Variants in ADD2 observed in about 807,000 individuals in gnomAD.
The protein encoded by ADD2 is beta-adducin.
A neutral mutation model predicts 83.0 loss-of-function variants in ADD2; 23 were observed. The observed-to-expected ratio is 0.28, with a 90% CI of 0.20 to 0.39. The LOEUF is 0.39. Ranked by LOEUF, ADD2 falls within the 10% of genes least tolerant of loss-of-function variation. ADD2 has a pLI of 1.00. For missense variants in ADD2, 758 were observed against 944.9 expected (o/e 0.80, Z 2.59); for synonymous variants, 375 against 375.4 (o/e 1.00, Z 0.01).
Position 70,701,947 on chromosome 2 carries a change from TA to T in ADD2, c.322+2373del, listed in dbSNP as rs1330779648. ...TACAATTCACTCATGTAAATATCTT[TA>T]AGTACCTACTATGTGCCAGATACAT... On this transcript the variant is annotated intron_variant, in intron 4 of 15. Coordinates refer to ENST00000264436, the MANE Select transcript of ADD2 (RefSeq NM_001617.4). Among the ~76,000 whole-genome samples the T allele has an allele frequency of 2.0e-5, 3 of 152,320 alleles. No homozygotes were observed. In the East Asian group the frequency reaches 5.8e-4, roughly 29 times the overall value.
At chr2:70,753,944 G>A (rs772225384) in intron 1 of ADD2, among the ~76,000 whole-genome samples, 1 of 152,124 alleles carries the variant, frequency 6.6e-6, no homozygotes, top group African/African-American at 2.4e-5. Context: ...TTACATTAAA[G>A]GTCACCGTCA....
intron 4 of ADD2, among the ~76,000 whole-genome samples, chr2:70,701,083 C>G (rs1671560489): frequency 6.6e-6 from 1 of 152,154 alleles, no homozygotes; most frequent in African/African-American, 2.4e-5. Flanking sequence ...GGTATCAATA[C>G]TAGGTAAAGA....
In ADD2 at chr2:70,765,223, C is replaced by T. The variant is rs555948186; in HGVS notation, c.-154+2663G>A. On this transcript the variant is annotated intron_variant, in intron 1 of 15. Transcript: ENST00000264436. ...CAAAAATTAGCCGGGCGTGGTGACA[C>T]GCACCTGTAGTCCCAGCTATTCGGG... 1.2e-3 allele frequency among the ~76,000 whole-genome samples: 187 copies of T among 149,828 alleles called. 1 individual carries two copies. The highest frequency in any genetic ancestry group is 1.9e-3 in the Non-Finnish European group (129 of 68,006).
At chr2:70,745,957 C>T (rs781850952) in intron 1 of ADD2, among the ~76,000 whole-genome samples, 6 of 152,016 alleles carry the variant, frequency 3.9e-5, no homozygotes, top group Non-Finnish European at 5.9e-5. Flanking sequence ...CACTGTGAAA[C>T]AAATCTATTT....
intron 7 of ADD2, 108 bp from the exon 8 acceptor site, chr2:70,691,037 A>AGTGAGGG: frequency 2.2e-6 from 3 of 1,370,730 alleles, no homozygotes; most frequent in Non-Finnish European, 2.9e-6. Flanking sequence ...AGGGGTGAGG[A>AGTGAGGG]GTGAGGGGTG....
chr2:70,742,130 G>A (rs920164866), intron 1 of ADD2, among the ~76,000 whole-genome samples: 19 of 152,296 alleles, frequency 1.2e-4, no homozygotes, highest in Non-Finnish European at 2.6e-4. Context: ...AAATACATCT[G>A]AGACTACCAA....
At chr2:70,742,539 C>T (rs149630163) in intron 1 of ADD2, among the ~76,000 whole-genome samples, 7 of 152,230 alleles carry the variant, frequency 4.6e-5, no homozygotes, top group South Asian at 2.1e-4. Context: ...GAAAATATGA[C>T]GATATCTGCA....
intron 4 of ADD2, among the ~76,000 whole-genome samples, chr2:70,699,740 A>C (rs1215404441): frequency 6.6e-6 from 1 of 152,046 alleles, no homozygotes; most frequent in Admixed American, 6.6e-5. Flanking sequence ...TGTTTGCACC[A>C]TTGCTCTCCA....
intron 8 of ADD2, 117 bp downstream of exon 8, chr2:70,690,669 T>G: frequency 8.1e-7 from 1 of 1,232,018 alleles, no homozygotes; most frequent in Non-Finnish European, 1.1e-6. Context: ...ATAGAGATCT[T>G]TCTTTTTTTT....
intron 2 of ADD2, among the ~76,000 whole-genome samples, chr2:70,710,973 C>T (rs1338231974): frequency 6.6e-6 from 1 of 152,164 alleles, no homozygotes; most frequent in Non-Finnish European, 1.5e-5. Context: ...AACAGGTGCA[C>T]ACTAAATAAC....
At chr2:70,747,511 T>G (rs1674279084) in intron 1 of ADD2, among the ~76,000 whole-genome samples, 1 of 151,180 alleles carries the variant, frequency 6.6e-6, no homozygotes. Flanking sequence ...TCTCCCATCA[T>G]GCCACATGCT....
chr2:70,726,263 C>A (rs922379440), intron 1 of ADD2, among the ~76,000 whole-genome samples: 40 of 136,824 alleles, frequency 2.9e-4, no homozygotes, highest in African/African-American at 1.1e-3. Flanking sequence ...CCACTGGAAA[C>A]AAAGGGGCAG....
At chr2:70,742,556 G>A (rs1673972556) in intron 1 of ADD2, among the ~76,000 whole-genome samples, 1 of 152,200 alleles carries the variant, frequency 6.6e-6, no homozygotes, top group Non-Finnish European at 1.5e-5. Context: ...TGCAATCAAA[G>A]TGATGGAGCT....
In ADD2 at chr2:70,706,444, T is replaced by C; in HGVS notation, c.-34-2A>G. ...GGTTTGCAATTCGCTCCTGGAACTC[T>C]ACAGAGAAGGGGAGAGGGTATGCGG... is the stretch of plus-strand genomic sequence containing the variant. On this transcript the variant is annotated splice_acceptor_variant, in intron 2 of 15. Transcript: ENST00000264436. LOFTEE classifies it low-confidence loss of function (5UTR_SPLICE). The surrounding 1 kb of genome is among the most constrained non-coding windows in gnomAD (Gnocchi z 5.0). The C allele has an allele frequency of 6.3e-7, 1 of 1,580,742 alleles. No homozygotes were observed. Among genetic ancestry groups the C allele is most frequent in the South Asian group, 1.1e-5 (1 of 88,092 alleles).
intron 1 of ADD2, among the ~76,000 whole-genome samples, chr2:70,764,362 G>T (rs1175150238): frequency 6.6e-6 from 1 of 151,828 alleles, no homozygotes; most frequent in East Asian, 1.9e-4. Context: ...ATGAACTGGC[G>T]TGAGATCTTC....
intron 2 of ADD2, among the ~76,000 whole-genome samples, chr2:70,710,845 C>A (rs1210395654): frequency 6.6e-6 from 1 of 152,178 alleles, no homozygotes; most frequent in Non-Finnish European, 1.5e-5. Flanking sequence ...GTATTTAAAA[C>A]AGGGCTTGGT....
intron 1 of ADD2, among the ~76,000 whole-genome samples, chr2:70,744,168 T>C (rs374468356): frequency 2.4e-4 from 37 of 152,348 alleles, no homozygotes; most frequent in East Asian, 1.5e-3. Context: ...ATAATTGGAA[T>C]TGGCAAAATT....
rs1223653657 is a variant in ADD2, at chr2:70,695,711, C to T, written c.555+10G>A. The T allele has an allele frequency of 1.9e-6, 3 of 1,612,950 alleles. No homozygotes were observed. Among genetic ancestry groups the T allele is most frequent in the African/African-American group, 1.3e-5 (1 of 74,900 alleles). ...ATAAGGAGTGGGCAGTGATGCTGGA[C>T]TGTACTCACCAGGCTGGACGCTGTG... On this transcript the variant is annotated intron_variant, in intron 6 of 15. Coordinates refer to ENST00000264436, the MANE Select transcript of ADD2 (RefSeq NM_001617.4).
At chr2:70,711,368 G>A (rs1286043241) in intron 2 of ADD2, 1 of 152,012 alleles carries the variant, frequency 6.6e-6, no homozygotes, top group Non-Finnish European at 1.5e-5. Context: ...TTCAAGGAAG[G>A]GTCTAGCCAC....
Sources: gnomAD v4.1 joint callset for allele counts (sites outside exome capture counted in the v4.1 genomes callset) on GRCh38, gnomAD v4.1.1 for gene constraint, Gnocchi (gnomAD v3.1) non-coding constraint, MANE v1.5 for transcripts, NCBI Gene and HGNC (gene_info 2026-07-23, HGNC 2026-07-21) for gene names.